The following ZC3H6 variants were observed in gnomAD, a reference collection of about 807,000 sequenced individuals.
The protein encoded by ZC3H6 is zinc finger CCCH domain-containing protein 6.
In ZC3H6, 40 loss-of-function variants were observed where a neutral mutation model predicts 107.7. The observed-to-expected ratio is 0.37, with a 90% CI of 0.29 to 0.48. The LOEUF (loss-of-function observed/expected upper bound fraction) is 0.48, where lower values mean the gene tolerates loss of function less well. Ranked by LOEUF, ZC3H6 falls within the 20% of genes least tolerant of loss-of-function variation. ZC3H6 has a pLI of 0.98. For missense variants in ZC3H6, 1,267 were observed against 1,410.4 expected (o/e 0.90, Z 1.63); for synonymous variants, 493 against 487.9 (o/e 1.01, Z -0.14).
chr2:112,300,070 A>C (rs749671263), intron 2 of ZC3H6, 41 bp downstream of exon 2: 1 of 1,248,584 alleles, frequency 8.0e-7, no homozygotes, highest in South Asian at 2.4e-5. Flanking sequence ...ATAAATGTTT[A>C]TGAAATATAA....
At chr2:112,318,142 T>C (rs1201330370) in intron 7 of ZC3H6, among the ~76,000 whole-genome samples, 1 of 151,748 alleles carries the variant, frequency 6.6e-6, no homozygotes, top group African/African-American at 2.4e-5. Context: ...TTAAAAAATG[T>C]GAAAAAAAAG....
intron 11 of ZC3H6, among the ~76,000 whole-genome samples, chr2:112,326,902 C>T (rs1453358957): frequency 2.0e-5 from 3 of 152,036 alleles, no homozygotes; most frequent in African/African-American, 7.2e-5. Flanking sequence ...TGTGCGCCAC[C>T]GTGCCTGGCC....
chr2:112,311,650 A>G (rs1676594382), intron 4 of ZC3H6, among the ~76,000 whole-genome samples, 154 bp from the exon 5 acceptor site: 1 of 152,358 alleles, frequency 6.6e-6, no homozygotes, highest in South Asian at 2.1e-4. Context: ...AGGAGATAAG[A>G]TACAAAGATT....
At chr2:112,282,233 A>C (rs1412405597) in intron 1 of ZC3H6, among the ~76,000 whole-genome samples, 4 of 152,188 alleles carry the variant, frequency 2.6e-5, no homozygotes, top group Non-Finnish European at 5.9e-5. Flanking sequence ...GGTGACCTTG[A>C]ATTCACCAGG....
chr2:112,329,799 C>T (rs1231959152), intron 11 of ZC3H6, among the ~76,000 whole-genome samples: 2 of 152,160 alleles, frequency 1.3e-5, no homozygotes, highest in Non-Finnish European at 2.9e-5. Flanking sequence ...CTGACTCTTA[C>T]GTTCTGGCAA....
chr2:112,332,467 A>G lies in ZC3H6; in HGVS notation c.3549A>G (p.Pro1183=), dbSNP rs1271454736. The change falls in exon 12 of 12, where the codon CCA becomes CCG. Residue 1183 remains proline (P), a synonymous_variant. Coordinates refer to ENST00000409871, the MANE Select transcript of ZC3H6 (RefSeq NM_198581.3). ...AAGAGGTTTTTAAAACTTTTGATCCAACTGCTTCACCATTTTGTTAGCTAT... is the reference window on the plus strand; with the variant it reads ...AAGAGGTTTTTAAAACTTTTGATCCGACTGCTTCACCATTTTGTTAGCTAT... ...SLKEVFKTFD[P]TASPFC The G allele has an allele frequency of 6.2e-7, 1 of 1,609,296 alleles. No homozygotes were observed. Among genetic ancestry groups the G allele is most frequent in the Admixed American group, 1.7e-5 (1 of 59,452 alleles).
At position 112,303,323 on chromosome 2, in the gene ZC3H6, A is replaced by G. The variant is rs1231415215; in HGVS notation, c.308A>G (p.Tyr103Cys). 7.4e-6 allele frequency: 12 copies of G among 1,613,290 alleles called. No individual in the cohort carries two copies. The highest frequency in any genetic ancestry group is 1.6e-4 in the Middle Eastern group (1 of 6,082). The stretch of plus-strand genomic sequence containing the variant: ...TCCCATAAAAAAAGAACTGGTTTCT[A>G]CAGGGATTATGACATTCCATTTACT... ...ESSHKKRTGF[Y>C]RDYDIPFTQR... Residue 103 changes from tyrosine (Y) to cysteine (C), a missense_variant, in exon 3 of 12, where the codon TAC becomes TGC. Around this residue, in one of 3 missense-constraint regions of ZC3H6, gnomAD observed 337 missense variants for 361.2 expected, o/e 0.93. Transcript: ENST00000409871.
At chr2:112,297,275 T>C (rs1676258548) in intron 1 of ZC3H6, among the ~76,000 whole-genome samples, 1 of 152,218 alleles carries the variant, frequency 6.6e-6, no homozygotes, top group South Asian at 2.1e-4. Context: ...ATTTGAGATA[T>C]ATCATATCAT....
At chr2:112,298,631 G>A (rs1320223200) in intron 1 of ZC3H6, among the ~76,000 whole-genome samples, 2 of 152,202 alleles carry the variant, frequency 1.3e-5, no homozygotes, top group African/African-American at 2.4e-5. Context: ...TTATTGCCGA[G>A]TTATCGGCAA....
intron 3 of ZC3H6, among the ~76,000 whole-genome samples, chr2:112,306,861 C>G (rs1325076874): frequency 2.0e-5 from 3 of 152,168 alleles, no homozygotes; most frequent in Non-Finnish European, 1.5e-5. Context: ...GTCTAAAGTG[C>G]TGTTGGATCT....
rs759908933 is a variant in ZC3H6, at chr2:112,324,551, T to C, written c.1740T>C (p.Gly580=). ...SPGSSYQQSP[G]EMQLNTNYES... is the part of the protein sequence containing the mutation. ...GTTCATCATACCAGCAAAGTCCTGGTGAAATGCAGCTCAACACCAATTATG... is the reference window on the plus strand; with the variant it reads ...GTTCATCATACCAGCAAAGTCCTGGCGAAATGCAGCTCAACACCAATTATG... The change falls in exon 10 of 12, where the codon GGT becomes GGC. Residue 580 remains glycine, a synonymous_variant. Coordinates refer to ENST00000409871, the MANE Select transcript of ZC3H6 (RefSeq NM_198581.3). The C allele has an allele frequency of 2.0e-5, 32 of 1,612,342 alleles. No homozygotes were observed. The South Asian group carries it at 3.0e-4, about 15-fold the overall frequency.
At chr2:112,280,607 A>G (rs1355776249) in intron 1 of ZC3H6, among the ~76,000 whole-genome samples, 1 of 152,094 alleles carries the variant, frequency 6.6e-6, no homozygotes, top group Non-Finnish European at 1.5e-5. Flanking sequence ...ATAGTATAGC[A>G]CAAGTACTAT....
In ZC3H6 at chr2:112,321,795, G is replaced by A; in HGVS notation, c.1016G>A (p.Cys339Tyr). Residue 339 changes from cysteine to tyrosine, a missense_variant, in exon 8 of 12, where the codon TGT (cysteine) becomes TAT (tyrosine). Physicochemically the swap from Cys to Tyr is radical, Grantham distance 194 (BLOSUM62 -2). Coordinates refer to ENST00000409871, the MANE Select transcript of ZC3H6 (RefSeq NM_198581.3). ...AAGTTCTATCATAGTGGAGCAAAAT[G>A]TTACCAGGGAGACAACTGTAAATTT... ...PCKFYHSGAK[C>Y]YQGDNCKFSH... The A allele has an allele frequency of 6.5e-7, 1 of 1,550,168 alleles. No homozygotes were observed. The highest frequency in any genetic ancestry group is 8.7e-7 in the Non-Finnish European group (1 of 1,146,934).
intron 1 of ZC3H6, among the ~76,000 whole-genome samples, chr2:112,297,593 A>G (rs189957006): frequency 3.9e-5 from 6 of 152,278 alleles, no homozygotes; most frequent in East Asian, 3.9e-4. Flanking sequence ...TTTGGTTTCT[A>G]TCTATAAAAT....
At chr2:112,310,897 T>G (rs1676580757) in intron 4 of ZC3H6, among the ~76,000 whole-genome samples, 1 of 152,234 alleles carries the variant, frequency 6.6e-6, no homozygotes, top group African/African-American at 2.4e-5. Context: ...CTTTATTTTT[T>G]CTCGATTTCC....
chr2:112,281,405 G>C (rs1330703015), intron 1 of ZC3H6, among the ~76,000 whole-genome samples: 2 of 152,144 alleles, frequency 1.3e-5, no homozygotes, highest in Non-Finnish European at 2.9e-5. Context: ...GGAGGGACAG[G>C]ATCCTCTATG....
chr2:112,295,972 G>C (rs1676223875), intron 1 of ZC3H6, among the ~76,000 whole-genome samples: 1 of 152,110 alleles, frequency 6.6e-6, no homozygotes, highest in Admixed American at 6.5e-5. Flanking sequence ...AGCTCACGTT[G>C]AAGGAGAGGC....
intron 1 of ZC3H6, 124 bp downstream of exon 1, chr2:112,276,150 A>G (rs1251998533): frequency 8.8e-6 from 7 of 791,260 alleles, no homozygotes; most frequent in East Asian, 3.4e-5. Context: ...CGTCAGTTCC[A>G]TGACGCGCAC....
rs546031361 is a variant in ZC3H6, at chr2:112,278,121, G to A, written c.32+2095G>A. Among the ~76,000 whole-genome samples, 56 of 152,264 alleles carry A rather than the reference G, an allele frequency of 3.7e-4. No individual in the cohort carries two copies. The South Asian group carries it at 0.011, about 30-fold the overall frequency. On this transcript the variant is annotated intron_variant, in intron 1 of 11. Transcript: ENST00000409871. Reference sequence around the variant, plus strand: ...CAGAGCAACTGAATCAGAATCTCTAGGGTATTTTTCATAGGCTCCCTGGGA... The same window carrying A: ...CAGAGCAACTGAATCAGAATCTCTAAGGTATTTTTCATAGGCTCCCTGGGA...
Sources: gnomAD v4.1 joint callset for allele counts (sites outside exome capture counted in the v4.1 genomes callset) on GRCh38, gnomAD v4.1.1 for gene constraint, gnomAD v4.1.1 regional missense constraint, MANE v1.5 for transcripts, NCBI Gene and HGNC (gene_info 2026-07-23, HGNC 2026-07-21) for gene names.